Variants in TTC21B observed in about 807,000 individuals in gnomAD.
TTC21B encodes tetratricopeptide repeat domain 21B.
Under a neutral mutation model 175.1 loss-of-function variants are expected in TTC21B, and 127 were observed. That is an observed-to-expected ratio of 0.73 (90% CI 0.63 to 0.84). TTC21B has a LOEUF of 0.84. Among genes scored for constraint, TTC21B ranks in the 40% least tolerant of loss-of-function variants. TTC21B has a pLI of 0.00. For missense variants in TTC21B, 1,561 were observed against 1,558.3 expected, an observed-to-expected ratio of 1.00 and a Z score of -0.03; for synonymous variants, 524 against 524.5, an observed-to-expected ratio of 1.00 and a Z score of 0.01.
In TTC21B at chr2:165,884,004, T is replaced by A. The variant is rs1198015785; in HGVS notation, c.3474A>T (p.Pro1158=). 6.2e-7 allele frequency: 1 copy of A among 1,613,920 alleles called. No homozygotes were observed. The highest frequency in any genetic ancestry group is 1.1e-5 in the South Asian group (1 of 91,080). The stretch of plus-strand genomic sequence containing the variant: ...AAGCCGTTGCCATTCCCAAGAGCGC[T>A]GGGATATGCTCCTTCTATAAGAAAA... ...EIAASEKEHI[P]ALLGMATAYM... is the part of the protein sequence containing the mutation. The change falls in exon 26 of 29, where the codon CCA becomes CCT. Residue 1158 remains proline (P), a synonymous_variant. Transcript: ENST00000243344.
chr2:165,949,452 A>G lies in TTC21B; in HGVS notation c.204T>C (p.Asp68=). 1.2e-6 allele frequency: 2 copies of G among 1,613,912 alleles called. No individual in the cohort carries two copies. Among genetic ancestry groups the G allele is most frequent in the African/African-American group, 1.3e-5 (1 of 75,058 alleles). The change falls in exon 3 of 29, where the codon GAT becomes GAC. Residue 68 remains aspartate, a synonymous_variant. Coordinates refer to ENST00000243344, the MANE Select transcript of TTC21B (RefSeq NM_024753.5). ...GTGCAAGTAGAGAACAAAGTGATAC[A>G]TCTTGTTTATTTTTAATAGCCTCAA... is the stretch of plus-strand genomic sequence containing the variant. ...REFEAIKNKQ[D]VSLCSLLALI...
At chr2:165,940,674 T>C (rs140414759) in intron 6 of TTC21B, among the ~76,000 whole-genome samples, 47 of 152,304 alleles carry the variant, frequency 3.1e-4, no homozygotes, top group African/African-American at 1.1e-3. Flanking sequence ...TCCCCATCTC[T>C]TTCTTGGTTT....
chr2:165,943,300 T>C lies in TTC21B; in HGVS notation c.471A>G (p.Lys157=). ...LKAWLDITRG[K]EPYTKKALKY... ...TCAGTGCTTTTTTAGTGTAAGGCTC[T>C]TTTCCTCTTGTAATATCAAGCCATG... The change falls in exon 5 of 29, where the codon AAA becomes AAG. Residue 157 remains lysine (K), a synonymous_variant. Coordinates refer to ENST00000243344, the MANE Select transcript of TTC21B (RefSeq NM_024753.5). 6.2e-7 allele frequency: 1 copy of C among 1,611,130 alleles called. No homozygotes were observed. The highest frequency in any genetic ancestry group is 8.5e-7 in the Non-Finnish European group (1 of 1,177,392).
chr2:165,943,427 A>C, intron 4 of TTC21B, 86 bp from the exon 5 acceptor site: 1 of 1,069,606 alleles, frequency 9.3e-7, no homozygotes, highest in Non-Finnish European at 1.4e-6. Context: ...TTTTTCTGGC[A>C]ATTAATAACA....
At chr2:165,876,368 A>G (rs1334107413) in intron 27 of TTC21B, 136 bp from the exon 28 acceptor site, 4 of 669,268 alleles carry the variant, frequency 6.0e-6, no homozygotes, top group Non-Finnish European at 1.1e-5. Flanking sequence ...ACTACGCTAT[A>G]CAGAGAAGTT....
intron 17 of TTC21B, among the ~76,000 whole-genome samples, chr2:165,912,117 A>C (rs1685971958): frequency 6.6e-6 from 1 of 152,226 alleles, no homozygotes; most frequent in South Asian, 2.1e-4. Context: ...ATAGGGCAAG[A>C]ATATAACAGT....
intron 27 of TTC21B, among the ~76,000 whole-genome samples, chr2:165,876,902 C>G (rs1684680483): frequency 6.6e-6 from 1 of 152,074 alleles, no homozygotes; most frequent in African/African-American, 2.4e-5. Context: ...AGTTAATGAA[C>G]TTGGAGTATG....
intron 1 of TTC21B, among the ~76,000 whole-genome samples, chr2:165,951,911 T>A (rs1687773039): frequency 6.6e-6 from 1 of 152,202 alleles, no homozygotes; most frequent in Non-Finnish European, 1.5e-5. Flanking sequence ...GGAGGATGGA[T>A]GACTAAAATC....
chr2:165,887,146 G>A (rs894779773), intron 25 of TTC21B, among the ~76,000 whole-genome samples: 1 of 152,194 alleles, frequency 6.6e-6, no homozygotes, highest in Non-Finnish European at 1.5e-5. Context: ...AAGGTGAGGG[G>A]AAAGAGATCA....
intron 25 of TTC21B, among the ~76,000 whole-genome samples, 174 bp from the exon 26 acceptor site, chr2:165,884,192 T>TA (rs938590779): frequency 6.6e-6 from 1 of 152,186 alleles, no homozygotes; most frequent in Non-Finnish European, 1.5e-5. Flanking sequence ...CTCAAGCTAC[T>TA]ATGAAGAAAA....
chr2:165,876,074 C>A (rs529665182), intron 28 of TTC21B, 91 bp downstream of exon 28: 1 of 777,472 alleles, frequency 1.3e-6, no homozygotes, highest in South Asian at 1.4e-5. Context: ...ATAATGTATC[C>A]TCTATTTCTA....
At chr2:165,912,475 T>C (rs1685989390) in intron 17 of TTC21B, 39 bp downstream of exon 17, 1 of 1,505,340 alleles carries the variant, frequency 6.6e-7, no homozygotes, top group Non-Finnish European at 9.2e-7. Context: ...TATGATAAAT[T>C]TGATGCAACA....
intron 4 of TTC21B, among the ~76,000 whole-genome samples, chr2:165,945,241 G>A (rs896351174): frequency 4.0e-5 from 6 of 151,568 alleles, no homozygotes; most frequent in African/African-American, 1.5e-4. Flanking sequence ...AAATATGGAG[G>A]GAAGGAAAAA....
At chr2:165,908,639 T>C (rs890553414) in intron 18 of TTC21B, among the ~76,000 whole-genome samples, 2 of 152,174 alleles carry the variant, frequency 1.3e-5, no homozygotes, top group African/African-American at 4.8e-5. Context: ...GGTATGATTA[T>C]ATTTGCCTCA....
intron 25 of TTC21B, 127 bp downstream of exon 25, chr2:165,888,152 T>C (rs1685071144): frequency 1.4e-6 from 1 of 737,240 alleles, no homozygotes; most frequent in South Asian, 1.7e-5. Flanking sequence ...CCCAACTATA[T>C]ACCTAATTTT....
chr2:165,891,084 TA>T (rs1685176316), intron 22 of TTC21B, 96 bp from the exon 23 acceptor site: 1 of 1,073,078 alleles, frequency 9.3e-7, no homozygotes, highest in African/African-American at 1.6e-5. Context: ...TTACTTCATA[TA>T]AAGTACATTT....
intron 19 of TTC21B, 119 bp from the exon 20 acceptor site, chr2:165,902,029 A>T (rs890696713): frequency 1.1e-6 from 1 of 878,556 alleles, no homozygotes; most frequent in African/African-American, 1.7e-5. Flanking sequence ...GATCTAACAA[A>T]GTCTGATCCA....
At chr2:165,925,443 CCTTA>C (rs1157638365) in intron 11 of TTC21B, among the ~76,000 whole-genome samples, 2 of 152,122 alleles carry the variant, frequency 1.3e-5, no homozygotes, top group Non-Finnish European at 2.9e-5. Flanking sequence ...TCCTGCTTTG[CCTTA>C]CTAAGGCTGT....
chr2:165,913,669 T>C (rs758576372), intron 15 of TTC21B, 23 bp from the exon 16 acceptor site: 1 of 1,580,618 alleles, frequency 6.3e-7, no homozygotes, highest in South Asian at 1.1e-5. Flanking sequence ...CCAACATTAC[T>C]TAGCATATTG....
Sources: gnomAD v4.1 joint callset for allele counts (sites outside exome capture counted in the v4.1 genomes callset) on GRCh38, gnomAD v4.1.1 for gene constraint, MANE v1.5 for transcripts, NCBI Gene and HGNC (gene_info 2026-07-23, HGNC 2026-07-21) for gene names.